Variants in GLIS3 observed in about 807,000 individuals in gnomAD.
GLIS3 encodes GLIS family zinc finger 3, also known as zinc finger protein GLIS3.
A neutral mutation model predicts 78.6 loss-of-function variants in GLIS3; 53 were observed. The observed-to-expected ratio is 0.67, with a 90% CI of 0.54 to 0.85. The LOEUF (loss-of-function observed/expected upper bound fraction) is 0.85, where lower values mean the gene tolerates loss of function less well. Ranked by LOEUF, GLIS3 falls within the 40% of genes least tolerant of loss-of-function variation. The pLI is 0.00. For missense variants in GLIS3, 1,703 were observed against 1,231.1 expected (o/e 1.38, Z -5.74); for synonymous variants, 684 against 509.9 (o/e 1.34, Z -4.60).
intron 2 of GLIS3, among the ~76,000 whole-genome samples, chr9:4,323,697 C>A (rs984644093): frequency 6.6e-6 from 1 of 152,160 alleles, no homozygotes; most frequent in Non-Finnish European, 1.5e-5. Context: ...ACCACCATAG[C>A]AGCCTCACAT....
intron 2 of GLIS3, among the ~76,000 whole-genome samples, chr9:4,127,643 A>G (rs1321159819): frequency 2.0e-5 from 3 of 152,196 alleles, no homozygotes; most frequent in Non-Finnish European, 4.4e-5. Flanking sequence ...ACCTTGAAAA[A>G]AAGGCAATGT....
chr9:4,440,874 C>A, the GLIS3 span, among the ~76,000 whole-genome samples: 1 of 151,856 alleles, frequency 6.6e-6, no homozygotes, highest in African/African-American at 2.4e-5. Context: ...AGATCTTTCA[C>A]TTCCTTGGTT....
the GLIS3 span, among the ~76,000 whole-genome samples, chr9:4,431,261 C>T: frequency 2.6e-5 from 4 of 152,162 alleles, no homozygotes; most frequent in African/African-American, 7.2e-5. Flanking sequence ...TTCACATATT[C>T]GTGAATCATG....
At chr9:4,234,472 T>G (rs1372207288) in intron 2 of GLIS3, among the ~76,000 whole-genome samples, 2 of 152,202 alleles carry the variant, frequency 1.3e-5, no homozygotes, top group Non-Finnish European at 2.9e-5. Context: ...ACTTATTGGT[T>G]AAGTTTGTCA....
chr9:3,956,753 A>G (rs1817139286), intron 4 of GLIS3, among the ~76,000 whole-genome samples: 1 of 152,174 alleles, frequency 6.6e-6, no homozygotes, highest in Non-Finnish European at 1.5e-5. Context: ...TCAAACAGTA[A>G]TTTCATTACA....
intron 2 of GLIS3, among the ~76,000 whole-genome samples, chr9:4,269,791 A>G (rs1356932300): frequency 6.6e-6 from 1 of 152,230 alleles, no homozygotes; most frequent in African/African-American, 2.4e-5. Context: ...GGGTAAAAAA[A>G]TAGTGTTGTG....
At chr9:3,921,923 T>TGTACACACACACAC (rs1554647307) in intron 6 of GLIS3, among the ~76,000 whole-genome samples, 1 of 149,758 alleles carries the variant, frequency 6.7e-6, no homozygotes, top group Non-Finnish European at 1.5e-5. Flanking sequence ...TCATACTGTG[T>TGTACACACACACAC]ACACACACAC....
intron 10 of GLIS3, among the ~76,000 whole-genome samples, chr9:3,828,923 G>T (rs1406305508): frequency 6.6e-6 from 1 of 152,108 alleles, no homozygotes; most frequent in Non-Finnish European, 1.5e-5. Flanking sequence ...CTGGAGAGTC[G>T]AATTTATTCT....
At chr9:4,096,934 C>T (rs949634348) in intron 4 of GLIS3, among the ~76,000 whole-genome samples, 1 of 152,106 alleles carries the variant, frequency 6.6e-6, no homozygotes, top group Admixed American at 6.5e-5. Flanking sequence ...ATCTCTTGGA[C>T]CCAGGAGGCA....
chr9:4,083,753 A>G (rs1364329325), intron 4 of GLIS3, among the ~76,000 whole-genome samples: 2 of 152,330 alleles, frequency 1.3e-5, no homozygotes, highest in Middle Eastern at 3.4e-3. Context: ...TCCACTGCAG[A>G]AAGTGCAAGG....
the GLIS3 span, among the ~76,000 whole-genome samples, chr9:4,373,042 G>C: frequency 2.6e-5 from 4 of 152,164 alleles, no homozygotes; most frequent in South Asian, 8.3e-4. Flanking sequence ...ACACAAGTTG[G>C]AATATTAAAT....
At chr9:4,026,775 A>AG (rs1491250830) in intron 4 of GLIS3, among the ~76,000 whole-genome samples, 3 of 152,224 alleles carry the variant, frequency 2.0e-5, no homozygotes. Flanking sequence ...TCAAATTATC[A>AG]GGGGAAAAAG....
At chr9:4,164,927 T>C (rs1338084878) in intron 2 of GLIS3, among the ~76,000 whole-genome samples, 1 of 152,106 alleles carries the variant, frequency 6.6e-6, no homozygotes, top group Non-Finnish European at 1.5e-5. Context: ...CTAGGGGAAG[T>C]GAAGGGAAGT....
Position 3,827,848 on chromosome 9 carries a change from G to A in GLIS3, c.*424C>T, listed in dbSNP as rs1008834354. On this transcript the variant is annotated 3_prime_UTR_variant, in exon 11 of 11. Coordinates refer to ENST00000381971, the MANE Select transcript of GLIS3 (RefSeq NM_001042413.2). Reference sequence around the variant, plus strand: ...GCTTTGCATCAGGAGCAGCAAGGGTGAGGATTAGGTGAGGCAGGTCACTAT... The same window carrying A: ...GCTTTGCATCAGGAGCAGCAAGGGTAAGGATTAGGTGAGGCAGGTCACTAT... The A allele has an allele frequency of 1.1e-5, 3 of 269,308 alleles. No homozygotes were observed. The highest frequency in any genetic ancestry group is 2.2e-5 in the Non-Finnish European group (3 of 138,116). The allele number at this position is 269,308 out of a possible 1,614,324, so 16.7% of individuals were successfully genotyped here.
intron 2 of GLIS3, among the ~76,000 whole-genome samples, chr9:4,195,763 A>G (rs1045739019): frequency 6.6e-6 from 1 of 152,214 alleles, no homozygotes; most frequent in Non-Finnish European, 1.5e-5. Context: ...GTCTTGGAGA[A>G]CTTTTATGTC....
Position 3,977,411 on chromosome 9 carries a change from A to G in GLIS3, c.1711-40222T>C, listed in dbSNP as rs1413973098. ...ACATTTAATTTATTTTGGAGAACTG[A>G]GGTTGATATCCACTAGTGCTATTAT... On this transcript the variant is annotated intron_variant, in intron 4 of 10. Coordinates refer to ENST00000381971, the MANE Select transcript of GLIS3 (RefSeq NM_001042413.2). The surrounding 1 kb of genome is among the most constrained non-coding windows in gnomAD (Gnocchi z 4.1). 1.3e-5 allele frequency among the ~76,000 whole-genome samples: 2 copies of G among 152,212 alleles called. No individual in the cohort carries two copies. Among genetic ancestry groups the G allele is most frequent in the African/African-American group, 4.8e-5 (2 of 41,470 alleles).
At chr9:3,945,891 G>C (rs1816260555) in intron 4 of GLIS3, among the ~76,000 whole-genome samples, 1 of 152,228 alleles carries the variant, frequency 6.6e-6, no homozygotes, top group East Asian at 1.9e-4. Context: ...AAGAAAGTAT[G>C]AGACCTATGT....
At chr9:4,203,680 A>G (rs1252127152) in intron 2 of GLIS3, among the ~76,000 whole-genome samples, 1 of 152,234 alleles carries the variant, frequency 6.6e-6, no homozygotes, top group Non-Finnish European at 1.5e-5. Flanking sequence ...CACTATTCAC[A>G]ATAGCAAAGA....
chr9:4,122,424 G>C (rs952707070), intron 3 of GLIS3, among the ~76,000 whole-genome samples: 1 of 152,166 alleles, frequency 6.6e-6, no homozygotes, highest in African/African-American at 2.4e-5. Flanking sequence ...AGAGAGCCTG[G>C]AGTGCATCCT....
Sources: allele counts gnomAD v4.1 joint callset (sites outside exome capture counted in the v4.1 genomes callset), GRCh38; gene constraint gnomAD v4.1.1; non-coding constraint Gnocchi (gnomAD v3.1); transcripts MANE v1.5; gene names NCBI Gene and HGNC (gene_info 2026-07-23, HGNC 2026-07-21).